Variants in CNDP1 observed in about 807,000 individuals in gnomAD.
The protein encoded by CNDP1 is beta-Ala-His dipeptidase.
In CNDP1, 44 loss-of-function variants were observed where a neutral mutation model predicts 58.1. The observed-to-expected ratio is 0.76, with a 90% CI of 0.60 to 0.97. The LOEUF is 0.97. Ranked by LOEUF, CNDP1 falls within the 50% of genes least tolerant of loss-of-function variation. CNDP1 has a pLI of 0.00. For synonymous variants in CNDP1, 254 were observed against 252.6 expected, an observed-to-expected ratio of 1.01 and a Z score of -0.05; for missense variants, 616 against 655.1, an observed-to-expected ratio of 0.94 and a Z score of 0.65.
intron 5 of CNDP1, 41 bp downstream of exon 5, chr18:74,562,176 GGTAACGACAACTTTCTTTGAGTT>G: frequency 1.9e-6 from 3 of 1,569,230 alleles, no homozygotes; most frequent in Non-Finnish European, 2.6e-6. Context: ...GGAGGAGGAT[GGTAACGACAACTTTCTTTGAGTT>G]GTTTGCTGTG....
In CNDP1 at chr18:74,543,458, A is replaced by G. The variant is rs146705108; in HGVS notation, c.24+8767A>G. Among the ~76,000 whole-genome samples the G allele has an allele frequency of 7.2e-3, 1,094 of 152,278 alleles. 20 individuals are homozygous for G. Among genetic ancestry groups the G allele is most frequent in the African/African-American group, 0.025 (1,038 of 41,538 alleles). On this transcript the variant is annotated intron_variant, in intron 1 of 11. Coordinates refer to ENST00000358821, the MANE Select transcript of CNDP1 (RefSeq NM_032649.6). ...CAGTGAACGATGATCACACCACTGT[A>G]CTCCAGCCTGGGCAACAGAGTGAGA...
intron 6 of CNDP1, among the ~76,000 whole-genome samples, chr18:74,568,178 TA>T (rs1981378490): frequency 6.6e-6 from 1 of 152,238 alleles, no homozygotes; most frequent in African/African-American, 2.4e-5. Flanking sequence ...TAACAACGTG[TA>T]GGCTGATAAT....
intron 6 of CNDP1, among the ~76,000 whole-genome samples, chr18:74,567,900 A>G (rs1190360941): frequency 6.6e-6 from 1 of 152,192 alleles, no homozygotes; most frequent in Non-Finnish European, 1.5e-5. Flanking sequence ...CAGCATCTGA[A>G]TCCTAGCTTC....
At chr18:74,574,230 C>T (rs1190395515) in intron 7 of CNDP1, among the ~76,000 whole-genome samples, 1 of 152,236 alleles carries the variant, frequency 6.6e-6, no homozygotes, top group Non-Finnish European at 1.5e-5. Context: ...ACAATAAACG[C>T]TAGTGAGCGC....
intron 1 of CNDP1, among the ~76,000 whole-genome samples, chr18:74,540,107 C>A (rs899083274): frequency 8.8e-6 from 1 of 113,630 alleles, no homozygotes; most frequent in Admixed American, 8.6e-5. Context: ...ACTGGTCTTT[C>A]GAATCAGAAT....
chr18:74,547,297 C>CAG (rs1458553300), intron 1 of CNDP1, among the ~76,000 whole-genome samples: 59 of 152,308 alleles, frequency 3.9e-4, no homozygotes, highest in African/African-American at 1.4e-3. Flanking sequence ...CAATAGAATT[C>CAG]TCGGCTTCCA....
At chr18:74,540,264 TC>T (rs1980585809) in intron 1 of CNDP1, among the ~76,000 whole-genome samples, 1 of 151,992 alleles carries the variant, frequency 6.6e-6, no homozygotes, top group South Asian at 2.1e-4. Flanking sequence ...TTCAAGCGAT[TC>T]TTCTGCCTCA....
intron 1 of CNDP1, among the ~76,000 whole-genome samples, chr18:74,535,552 GTGGTC>G (rs1454504050): frequency 7.8e-6 from 1 of 128,054 alleles, no homozygotes; most frequent in African/African-American, 2.9e-5. Flanking sequence ...ACCTCACCCT[GTGGTC>G]TGGCCATGCT....
At chr18:74,571,109 T>C in intron 6 of CNDP1, 77 bp from the exon 7 acceptor site, 2 of 917,052 alleles carry the variant, frequency 2.2e-6, no homozygotes, top group Non-Finnish European at 3.6e-6. Flanking sequence ...CGCAGATATG[T>C]ATTTCACCAT....
chr18:74,557,278 G>C (rs866144067), intron 2 of CNDP1, among the ~76,000 whole-genome samples: 4 of 152,116 alleles, frequency 2.6e-5, no homozygotes, highest in African/African-American at 7.2e-5. Context: ...CTGGAGTGCA[G>C]TGGCACAAAC....
intron 7 of CNDP1, among the ~76,000 whole-genome samples, chr18:74,574,229 G>A (rs748416055): frequency 2.0e-5 from 3 of 152,344 alleles, no homozygotes; most frequent in East Asian, 1.9e-4. Context: ...GACAATAAAC[G>A]CTAGTGAGCG....
intron 1 of CNDP1, among the ~76,000 whole-genome samples, chr18:74,537,992 TTTTTG>T (rs761305122): frequency 6.6e-6 from 1 of 152,092 alleles, no homozygotes; most frequent in Non-Finnish European, 1.5e-5. Context: ...CATACTCAGG[TTTTTG>T]TTTTGTTTTG....
chr18:74,568,895 G>T (rs1415332965), intron 6 of CNDP1, among the ~76,000 whole-genome samples: 3 of 152,164 alleles, frequency 2.0e-5, no homozygotes, highest in Non-Finnish European at 2.9e-5. Flanking sequence ...TGGCCCAGGG[G>T]TTGAGGTTAC....
At chr18:74,580,805 T>TA (rs1297779938) in intron 10 of CNDP1, among the ~76,000 whole-genome samples, 1 of 151,952 alleles carries the variant, frequency 6.6e-6, no homozygotes, top group African/African-American at 2.4e-5. Context: ...CCCATCTCTA[T>TA]AAAAAATATA....
chr18:74,563,572 C>G (rs1465851999), intron 5 of CNDP1, among the ~76,000 whole-genome samples: 2 of 152,190 alleles, frequency 1.3e-5, no homozygotes, highest in Non-Finnish European at 2.9e-5. Context: ...ATCTGTGAAG[C>G]AGGAATGATA....
In CNDP1 at chr18:74,579,465, C is replaced by T. The variant is rs1221934249; in HGVS notation, c.1168-665C>T. 2.0e-5 allele frequency among the ~76,000 whole-genome samples: 3 copies of T among 151,632 alleles called. No homozygotes were observed. The East Asian group carries it at 5.8e-4, about 29-fold the overall frequency. ...ATAAACTCCATGAGGGCAGGGCCTT[C>T]CTTGTCTTGTTCACAGCTGTATCCG... On this transcript the variant is annotated intron_variant, in intron 9 of 11. Transcript: ENST00000358821.
At chr18:74,580,813 A>G (rs1981771204) in intron 10 of CNDP1, among the ~76,000 whole-genome samples, 1 of 152,128 alleles carries the variant, frequency 6.6e-6, no homozygotes, top group Non-Finnish European at 1.5e-5. Flanking sequence ...TATAAAAAAT[A>G]TAAAAATTAG....
chr18:74,535,245 G>A (rs1980457880), intron 1 of CNDP1, among the ~76,000 whole-genome samples: 1 of 152,180 alleles, frequency 6.6e-6, no homozygotes, highest in East Asian at 1.9e-4. Context: ...TGGCTGTGAG[G>A]TTTTGTGGGG....
intron 6 of CNDP1, among the ~76,000 whole-genome samples, chr18:74,567,784 A>G (rs773121425): frequency 5.3e-5 from 8 of 152,214 alleles, no homozygotes; most frequent in Non-Finnish European, 8.8e-5. Context: ...TGCAGGGGCA[A>G]CTGTGCTGTG....
Sources: gnomAD v4.1 joint callset for allele counts (sites outside exome capture counted in the v4.1 genomes callset) on GRCh38, gnomAD v4.1.1 for gene constraint, MANE v1.5 for transcripts, NCBI Gene and HGNC (gene_info 2026-07-23, HGNC 2026-07-21) for gene names.